Variants in COL16A1 observed in about 807,000 individuals in gnomAD.
COL16A1 encodes collagen alpha-1(XVI) chain.
A neutral mutation model predicts 266.3 loss-of-function variants in COL16A1; 189 were observed. The ratio of observed to expected loss-of-function variants is 0.71; its 90% CI spans 0.63 to 0.80. The LOEUF (loss-of-function observed/expected upper bound fraction) is 0.80. Ranked by LOEUF, COL16A1 falls within the 30% of genes least tolerant of loss-of-function variation. COL16A1 has a pLI of 0.00. For synonymous variants in COL16A1, 740 were observed against 782.3 expected, an observed-to-expected ratio of 0.95 and a Z score of 0.90; for missense variants, 1,928 against 2,122.4, an observed-to-expected ratio of 0.91 and a Z score of 1.80.
Position 31,692,912 on chromosome 1 carries a change from C to G in COL16A1, c.1072-104G>C, listed in dbSNP as rs779161825. On this transcript the variant is annotated intron_variant, in intron 13 of 70. Coordinates refer to ENST00000373672, the MANE Select transcript of COL16A1 (RefSeq NM_001856.4). Reference sequence around the variant, plus strand: ...GGGAACCCCATAGTCCTAAGTATCCCTAGAAAAGGGGGGCTTCTACACCCA... The same window carrying G: ...GGGAACCCCATAGTCCTAAGTATCCGTAGAAAAGGGGGGCTTCTACACCCA... The G allele has an allele frequency of 4.2e-6, 5 of 1,190,914 alleles. No individual in the cohort carries two copies. In the African/African-American group the frequency reaches 7.6e-5, roughly 18 times the overall value. The allele number at this position is 1,190,914 out of a possible 1,614,324, so 73.8% of individuals were successfully genotyped here.
intron 62 of COL16A1, 136 bp from the exon 63 acceptor site, chr1:31,659,100 C>A: frequency 1.2e-6 from 1 of 813,178 alleles, no homozygotes; most frequent in South Asian, 1.6e-5. Context: ...TCGCTCTGGT[C>A]TTGCACTTGA....
intron 1 of COL16A1, among the ~76,000 whole-genome samples, chr1:31,703,457 C>G (rs1390926958): frequency 6.6e-6 from 1 of 152,170 alleles, no homozygotes; most frequent in Non-Finnish European, 1.5e-5. Flanking sequence ...AAACCCTATC[C>G]TGGTCTTCCT....
chr1:31,677,671 A>G (rs1480871688), intron 42 of COL16A1, among the ~76,000 whole-genome samples: 1 of 152,206 alleles, frequency 6.6e-6, no homozygotes, highest in Non-Finnish European at 1.5e-5. Context: ...CACTGGGACA[A>G]TACAGCCTTG....
Position 31,671,651 on chromosome 1 carries a change from A to G in COL16A1, c.3114T>C (p.Pro1038=), listed in dbSNP as rs886555332. ...GAGGACCCGGGGAGCCCCTCATGCC[A>G]GGCGGACCCTGCAAAGGAAGCCAAG... ...LPGQRGEEGP[P]GMRGSPGPPG... Residue 1038 remains proline (P), a synonymous_variant, in exon 48 of 71, where the codon CCT becomes CCC. Transcript: ENST00000373672. 13 of 1,613,968 alleles carry G rather than the reference A, an allele frequency of 8.1e-6. No individual in the cohort carries two copies. The highest frequency in any genetic ancestry group is 1.3e-5 in the African/African-American group (1 of 74,914).
Position 31,670,909 on chromosome 1 carries a change from C to T in COL16A1, c.3151-263G>A, listed in dbSNP as rs928134282. Among the ~76,000 whole-genome samples the T allele has an allele frequency of 1.3e-5, 2 of 152,204 alleles. No homozygotes were observed. Among genetic ancestry groups the T allele is most frequent in the African/African-American group, 4.8e-5 (2 of 41,442 alleles). ...GCTTCCTGAGTCTTCCGGAGTCTAA[C>T]TGAAGATCCGGTTGCAGCAGAAGCC... On this transcript the variant is annotated intron_variant, in intron 48 of 70. Coordinates refer to ENST00000373672, the MANE Select transcript of COL16A1 (RefSeq NM_001856.4). The surrounding 1 kb of genome is among the most constrained non-coding windows in gnomAD (Gnocchi z 4.5).
intron 37 of COL16A1, 138 bp from the exon 38 acceptor site, chr1:31,681,205 AGAG>A (rs1643618126): frequency 2.4e-6 from 3 of 1,255,188 alleles, no homozygotes; most frequent in Admixed American, 5.7e-5. Context: ...CCCACGTTCC[AGAG>A]GAGGAGACTG....
In COL16A1 at chr1:31,698,593, G is replaced by C; in HGVS notation, c.280C>G (p.Arg94Gly). ...AGGGCAAACTCCTCCGGGAGACCCC[G>C]AGGGAATACTCTTCTGGAGATGGAG... ...VTQPTRRVFP[R>G]GLPEEFALVL... The change falls in exon 5 of 71, where the codon CGG (arginine) becomes GGG (glycine). Residue 94 changes from arginine to glycine, a missense_variant. Coordinates refer to ENST00000373672, the MANE Select transcript of COL16A1 (RefSeq NM_001856.4). This position sits in a 1 kb window ranked among gnomAD's most constrained non-coding sequence, Gnocchi z 4.1. 6.2e-7 allele frequency: 1 copy of C among 1,614,046 alleles called. No homozygotes were observed. The highest frequency in any genetic ancestry group is 8.5e-7 in the Non-Finnish European group (1 of 1,180,010).
intron 42 of COL16A1, 118 bp from the exon 43 acceptor site, chr1:31,675,429 TG>T: frequency 6.9e-7 from 1 of 1,444,124 alleles, no homozygotes; most frequent in Non-Finnish European, 9.5e-7. Context: ...CTGAGAGCCC[TG>T]GCTGGCACAA....
At position 31,683,215 on chromosome 1, in the gene COL16A1, G is replaced by A. The variant is rs768049640; in HGVS notation, c.2448C>T (p.Pro816=). The A allele has an allele frequency of 4.3e-6, 7 of 1,614,098 alleles. No homozygotes were observed. The South Asian group carries it at 7.7e-5, about 18-fold the overall frequency. ...TCACCTGGGCACCCTTCTCTCCAGT[G>A]GGGCCAGGTGGTCCCCGAGGTCCCG... The part of the protein sequence containing the change: ...GLPGPRGPPG[P]TGEKGAQGSP... Residue 816 remains proline (P), a synonymous_variant, in exon 36 of 71, where the codon CCC becomes CCT. Coordinates refer to ENST00000373672, the MANE Select transcript of COL16A1 (RefSeq NM_001856.4).
Position 31,652,641 on chromosome 1 carries a change from G to A in COL16A1, c.*10C>T. 1 of 1,563,496 alleles carries A rather than the reference G, an allele frequency of 6.4e-7. No individual in the cohort carries two copies. Among genetic ancestry groups the A allele is most frequent in the Admixed American group, 2.1e-5 (1 of 47,774 alleles). On this transcript the variant is annotated 3_prime_UTR_variant, in exon 71 of 71. Coordinates refer to ENST00000373672, the MANE Select transcript of COL16A1 (RefSeq NM_001856.4). The surrounding 1 kb of genome is among the most constrained non-coding windows in gnomAD (Gnocchi z 4.8). ...AACGGAGTCTTTCATCCAAAGGCAG[G>A]TGGGGAATTTCAGCCAAAAGGCCCC...
intron 34 of COL16A1, 149 bp from the exon 35 acceptor site, chr1:31,683,518 G>C (rs959780350): frequency 6.4e-7 from 1 of 1,571,976 alleles, no homozygotes. Context: ...GGTCAGAGAG[G>C]CTGGGGTCAA....
intron 66 of COL16A1, 165 bp from the exon 67 acceptor site, chr1:31,655,667 G>T: frequency 8.3e-7 from 1 of 1,204,188 alleles, no homozygotes; most frequent in East Asian, 2.5e-5. Flanking sequence ...GGTCCTTCTA[G>T]AAGACAGTTC....
At position 31,656,820 on chromosome 1, in the gene COL16A1, G is replaced by GT. The variant is rs1255919557; in HGVS notation, c.4056+212dup. 5.1e-6 allele frequency: 3 copies of GT among 586,070 alleles called. No homozygotes were observed. The highest frequency in any genetic ancestry group is 8.7e-6 in the Non-Finnish European group (3 of 344,416). The allele number at this position is 586,070 out of a possible 1,614,324, so 36.3% of individuals were successfully genotyped here. ...TTGTTTCTTTTTGACCAGGTACAGG[G>GT]TTTAAAAAAAAAAAAAAAAAGGTAA... is the stretch of plus-strand genomic sequence containing the variant. On this transcript the variant is annotated intron_variant, in intron 65 of 70. Transcript: ENST00000373672. The surrounding 1 kb of genome is among the most constrained non-coding windows in gnomAD (Gnocchi z 4.2).
chr1:31,684,468 C>A, intron 31 of COL16A1, 55 bp downstream of exon 31: 1 of 1,585,202 alleles, frequency 6.3e-7, no homozygotes, highest in South Asian at 1.1e-5. Flanking sequence ...TGGTGCGACA[C>A]CTGATTTTTT....
At chr1:31,701,719 G>A (rs1644731008) in intron 2 of COL16A1, among the ~76,000 whole-genome samples, 1 of 152,162 alleles carries the variant, frequency 6.6e-6, no homozygotes, top group South Asian at 2.1e-4. Context: ...CTCTGGGGAG[G>A]CGGCGTCCTT....
At position 31,672,856 on chromosome 1, in the gene COL16A1, G is replaced by C; in HGVS notation, c.2860-16C>G. The C allele has an allele frequency of 8.7e-6, 14 of 1,611,508 alleles. No individual in the cohort carries two copies. The highest frequency in any genetic ancestry group is 1.0e-5 in the Non-Finnish European group (12 of 1,178,358). On this transcript the variant is annotated splice_polypyrimidine_tract_variant and intron_variant, in intron 44 of 70. Transcript: ENST00000373672. ...CGCAGATACTCTGATCAGGGAGTGG[G>C]GAGAGGAGTGGGGCCTGGGTTAGAG...
chr1:31,662,539 T>G (rs75145224), intron 57 of COL16A1, 48 bp downstream of exon 57: 2 of 1,549,022 alleles, frequency 1.3e-6, no homozygotes, highest in Non-Finnish European at 1.7e-6. Context: ...ACCACACACA[T>G]GCGCATGCAT....
rs1057184378 is a variant in COL16A1 at position 31,688,527 on chromosome 1, T to C, written c.1768-25A>G. The C allele has an allele frequency of 6.2e-7, 1 of 1,613,890 alleles. No homozygotes were observed. Among genetic ancestry groups the C allele is most frequent in the Non-Finnish European group, 8.5e-7 (1 of 1,180,002 alleles). On this transcript the variant is annotated intron_variant, in intron 25 of 70. Transcript: ENST00000373672. This position sits in a 1 kb window ranked among gnomAD's most constrained non-coding sequence, Gnocchi z 4.9. ...CCTGAAAAACAACCAAGACAGAGTC[T>C]CAGCATCTCCCCACTCCCACCTCTC...
chr1:31,681,176 T>G, intron 37 of COL16A1, 109 bp from the exon 38 acceptor site: 1 of 1,444,522 alleles, frequency 6.9e-7, no homozygotes, highest in Non-Finnish European at 9.1e-7. Context: ...CAGGTTCCCC[T>G]GGAGCCCAGG....
Sources: allele counts gnomAD v4.1 joint callset (sites outside exome capture counted in the v4.1 genomes callset), GRCh38; gene constraint gnomAD v4.1.1; non-coding constraint Gnocchi (gnomAD v3.1); transcripts MANE v1.5; gene names NCBI Gene and HGNC (gene_info 2026-07-23, HGNC 2026-07-21).